The following DOK7 variants were observed in gnomAD, a reference collection of about 807,000 sequenced individuals.
DOK7 encodes the protein protein Dok-7.
In DOK7, 32 loss-of-function variants were observed where a neutral mutation model predicts 30.7. The ratio of observed to expected loss-of-function variants is 1.04; its 90% CI spans 0.79 to 1.40. The LOEUF is 1.40. Among genes scored for constraint, DOK7 ranks in the 40% most tolerant of loss-of-function variants. DOK7 has a pLI of 0.00. For missense variants in DOK7, 1,007 were observed against 699.2 expected (o/e 1.44, Z -4.97); for synonymous variants, 447 against 324.1 (o/e 1.38, Z -4.07).
rs1577185381 is a variant in DOK7, at chr4:3,493,751, C to T, written c.*250C>T. ...TCGGGGTCACCAGAGCCCCAATGCT[C>T]AGCTGCTTCACTCCGTGTCCCCCAC... On this transcript the variant is annotated 3_prime_UTR_variant, in exon 7 of 7. Coordinates refer to ENST00000340083, the MANE Select transcript of DOK7 (RefSeq NM_173660.5). 8 of 1,407,726 alleles carry T rather than the reference C, an allele frequency of 5.7e-6. No homozygotes were observed. Among genetic ancestry groups the T allele is most frequent in the East Asian group, 5.3e-5 (2 of 37,884 alleles). 87.2% of individuals were successfully genotyped at this position (1,407,726 alleles called of 1,614,324 possible).
intron 5 of DOK7, among the ~76,000 whole-genome samples, chr4:3,488,483 G>A (rs903930558): frequency 1.9e-4 from 29 of 152,340 alleles, no homozygotes; most frequent in Admixed American, 1.5e-3. Context: ...TTGTTTCTCC[G>A]GAGCGCTGAC....
rs1728749009 is a variant in DOK7 at position 3,494,124 on chromosome 4, G to A, written c.*623G>A. The A allele has an allele frequency of 4.1e-6, 4 of 985,794 alleles. No homozygotes were observed. Among genetic ancestry groups the A allele is most frequent in the Non-Finnish European group, 3.6e-6 (3 of 830,196 alleles). The allele number at this position is 985,794 out of a possible 1,614,324, so 61.1% of individuals were successfully genotyped here. Reference sequence around the variant, plus strand: ...TTCCCCAGTGAAGCCCTTGTGGGAAGGTTCCGGGAGCAGGTGGTGTCCTCA... The same window carrying A: ...TTCCCCAGTGAAGCCCTTGTGGGAAAGTTCCGGGAGCAGGTGGTGTCCTCA... On this transcript the variant is annotated 3_prime_UTR_variant, in exon 7 of 7. Coordinates refer to ENST00000340083, the MANE Select transcript of DOK7 (RefSeq NM_173660.5).
rs754920160 is a variant in DOK7, at chr4:3,493,645, C to T, written c.*144C>T. The T allele has an allele frequency of 3.5e-4, 510 of 1,465,160 alleles. 1 individual carries two copies. The highest frequency in any genetic ancestry group is 4.2e-4 in the Non-Finnish European group (469 of 1,106,770). 90.8% of individuals were successfully genotyped at this position (1,465,160 alleles called of 1,614,324 possible). A position where few individuals can be genotyped will look rare whatever the true frequency, so the allele number is the denominator to read the frequency against. ...TCTCCCGGAGAGGGGAGCTGGAGGG[C>T]GCGCCCTGTGGCTGCCACCGGAGGA... On this transcript the variant is annotated 3_prime_UTR_variant, in exon 7 of 7. Coordinates refer to ENST00000340083, the MANE Select transcript of DOK7 (RefSeq NM_173660.5).
At chr4:3,485,497 G>T in intron 4 of DOK7, 42 bp from the exon 5 acceptor site, 1 of 1,491,544 alleles carries the variant, frequency 6.7e-7, no homozygotes. Flanking sequence ...TCCCCAGCCC[G>T]CCCTCGGGCC....
chr4:3,489,832 G>A lies in DOK7; in HGVS notation c.772+36G>A, dbSNP rs373696082. 7.6e-4 allele frequency: 1,183 copies of A among 1,558,644 alleles called. 1 individual carries two copies. The highest frequency in any genetic ancestry group is 1.5e-3 in the Admixed American group (78 of 52,712). ...GGGCTGACCTGGGCTGTGGGACCTCGGCTAAGCCTCCAGCAGGAGAGCTCA... is the reference window on the plus strand; with the variant it reads ...GGGCTGACCTGGGCTGTGGGACCTCAGCTAAGCCTCCAGCAGGAGAGCTCA... On this transcript the variant is annotated intron_variant, in intron 6 of 6. Coordinates refer to ENST00000340083, the MANE Select transcript of DOK7 (RefSeq NM_173660.5).
At chr4:3,469,198 T>A (rs1726597888) in intron 2 of DOK7, among the ~76,000 whole-genome samples, 1 of 151,882 alleles carries the variant, frequency 6.6e-6, no homozygotes, top group African/African-American at 2.4e-5. Flanking sequence ...TGTGCATGTA[T>A]GAGTGTGTGT....
intron 4 of DOK7, among the ~76,000 whole-genome samples, chr4:3,478,410 G>A (rs1013099722): frequency 3.3e-5 from 5 of 151,878 alleles, no homozygotes; most frequent in South Asian, 2.1e-4. Flanking sequence ...CTCAAAAGCT[G>A]GGGGCACTCT....
At chr4:3,491,515 CTGTCTGTTCATTCATTT>C (rs1306435296) in intron 6 of DOK7, among the ~76,000 whole-genome samples, 4 of 99,786 alleles carry the variant, frequency 4.0e-5, no homozygotes, top group Non-Finnish European at 8.9e-5. Context: ...TTCCTTCCTT[CTGTCTGTTCATTCATTT>C]CTTCCTTCTC....
At chr4:3,468,702 GTA>G (rs1480186081) in intron 2 of DOK7, among the ~76,000 whole-genome samples, 2 of 136,092 alleles carry the variant, frequency 1.5e-5, no homozygotes, top group Admixed American at 7.2e-5. Context: ...GTATGTCTGT[GTA>G]TGTGTGTGTA....
Position 3,490,145 on chromosome 4 carries a change from TCCTTCCC to T in DOK7, c.772+351_772+357del, listed in dbSNP as rs1560225889. ...CTTTTCTCCCTGCTCATTCATTCCT[TCCTTCCC>T]CACCCTGCTCATTCATTTCTTCCTC... is the stretch of plus-strand genomic sequence containing the variant. On this transcript the variant is annotated intron_variant, in intron 6 of 6. Coordinates refer to ENST00000340083, the MANE Select transcript of DOK7 (RefSeq NM_173660.5). 1.5e-4 allele frequency among the ~76,000 whole-genome samples: 15 copies of T among 103,274 alleles called. 2 individuals are homozygous for T. Among genetic ancestry groups the T allele is most frequent in the Admixed American group, 2.3e-4 (2 of 8,852 alleles). The allele number at this position is 103,274 out of a possible 152,430, so 67.8% of individuals were successfully genotyped here. A position where few individuals can be genotyped will look rare whatever the true frequency, so the allele number is the denominator to read the frequency against.
At chr4:3,489,932 T>G (rs1728093082) in intron 6 of DOK7, 136 bp downstream of exon 6, 2 of 1,378,472 alleles carry the variant, frequency 1.5e-6, no homozygotes, top group African/African-American at 2.9e-5. Flanking sequence ...TCCTGCTCAT[T>G]CATTCTTCCC....
intron 7 of DOK7, chr4:3,500,523 C>T: frequency 6.8e-7 from 1 of 1,467,824 alleles, no homozygotes; most frequent in Non-Finnish European, 9.1e-7. Context: ...TACAGCCTCC[C>T]CCCAGGAGGC....
In DOK7 at chr4:3,493,176, T is replaced by A. The variant is rs1309814301; in HGVS notation, c.1190T>A (p.Val397Glu). ...CTGCCCGGGACAGTCGAGTACCAGG[T>A]GCCCACCTCCCTGCGGGCCCACTAT... Reference protein sequence around the residue: ...TCLPGTVEYQVPTSLRAHYDT... With the variant: ...TCLPGTVEYQEPTSLRAHYDT... Residue 397 changes from valine to glutamate, a missense_variant, in exon 7 of 7, where the codon GTG (valine) becomes GAG (glutamate). By Grantham distance (121) the Val-to-Glu change is moderately radical. Coordinates refer to ENST00000340083, the MANE Select transcript of DOK7 (RefSeq NM_173660.5). The A allele has an allele frequency of 6.2e-7, 1 of 1,609,008 alleles. No homozygotes were observed. Among genetic ancestry groups the A allele is most frequent in the Non-Finnish European group, 8.5e-7 (1 of 1,178,686 alleles).
intron 4 of DOK7, among the ~76,000 whole-genome samples, chr4:3,477,882 C>T (rs1727198864): frequency 6.6e-6 from 1 of 152,152 alleles, no homozygotes; most frequent in Admixed American, 6.5e-5. Flanking sequence ...TGTCGGGGTC[C>T]CATCTGCCCC....
At chr4:3,490,088 T>TCATTCATTCCTTTTTTCACCCC (rs1728124612) in intron 6 of DOK7, among the ~76,000 whole-genome samples, 1 of 30,070 alleles carries the variant, frequency 3.3e-5, no homozygotes, top group African/African-American at 2.0e-4. Flanking sequence ...CTTCACCCCC[T>TCATTCATTCCTTTTTTCACCCC]CATTCATTCC....
intron 2 of DOK7, among the ~76,000 whole-genome samples, chr4:3,468,700 GTGTA>G (rs1218358162): frequency 6.5e-5 from 9 of 139,066 alleles, no homozygotes; most frequent in South Asian, 4.3e-4. Flanking sequence ...ATGTATGTCT[GTGTA>G]TGTGTGTGTA....
In DOK7 at chr4:3,493,611, G is replaced by C; in HGVS notation, c.*110G>C. 6.6e-7 allele frequency: 1 copy of C among 1,511,102 alleles called. No individual in the cohort carries two copies. Among genetic ancestry groups the C allele is most frequent in the South Asian group, 1.3e-5 (1 of 78,918 alleles). The allele number at this position is 1,511,102 out of a possible 1,614,324, so 93.6% of individuals were successfully genotyped here. A position where few individuals can be genotyped will look rare whatever the true frequency, so the allele number is the denominator to read the frequency against. ...CTGGTGCTCTGTGTTCTGTGGGAGG[G>C]ACCGGGGGTCTCCCGGAGAGGGGAG... On this transcript the variant is annotated 3_prime_UTR_variant, in exon 7 of 7. Transcript: ENST00000340083.
chr4:3,467,771 G>C (rs1726392253), intron 2 of DOK7, among the ~76,000 whole-genome samples: 2 of 152,208 alleles, frequency 1.3e-5, no homozygotes, highest in African/African-American at 4.8e-5. Flanking sequence ...GGTTCTGGGG[G>C]CTGGAGGTCC....
chr4:3,477,241 C>T (rs1487151080), intron 4 of DOK7, among the ~76,000 whole-genome samples: 3 of 152,264 alleles, frequency 2.0e-5, no homozygotes, highest in African/African-American at 7.2e-5. Context: ...GACCTGCAGT[C>T]CCCGCGGAGG....
Sources: allele counts gnomAD v4.1 joint callset (sites outside exome capture counted in the v4.1 genomes callset), GRCh38; gene constraint gnomAD v4.1.1; transcripts MANE v1.5; gene names NCBI Gene and HGNC (gene_info 2026-07-23, HGNC 2026-07-21).